CAPZA2: variants seen among roughly 807,000 people sequenced by gnomAD.
CAPZA2 encodes capping actin protein of muscle Z-line subunit alpha 2.
A neutral mutation model predicts 44.0 loss-of-function variants in CAPZA2; 13 were observed. The observed-to-expected ratio is 0.30, with a 90% CI of 0.19 to 0.47. CAPZA2 has a LOEUF of 0.47. Among genes scored for constraint, CAPZA2 ranks in the 20% least tolerant of loss-of-function variants. The pLI, the probability that CAPZA2 is intolerant of heterozygous loss-of-function variation, is 1.00. For synonymous variants in CAPZA2, 94 were observed against 108.2 expected (o/e 0.87, Z 0.81); for missense variants, 244 against 338.6 (o/e 0.72, Z 2.19).
chr7:116,890,598 A>G (rs1448310882), intron 2 of CAPZA2, among the ~76,000 whole-genome samples: 3 of 60,952 alleles, frequency 4.9e-5, no homozygotes, highest in Non-Finnish European at 7.7e-5. Flanking sequence ...ATATATATAT[A>G]CACACACACA....
At chr7:116,909,674 C>A (rs1381633971) in intron 6 of CAPZA2, 3 of 152,948 alleles carry the variant, frequency 2.0e-5, no homozygotes, top group African/African-American at 7.3e-5. Flanking sequence ...ACTAGTCATT[C>A]TTTTTAAATT....
intron 6 of CAPZA2, chr7:116,910,021 TTC>T: frequency 1.9e-6 from 1 of 530,426 alleles, no homozygotes; most frequent in South Asian, 2.1e-5. Context: ...ATTATGTAAG[TTC>T]TTTCTTATCA....
In CAPZA2 at chr7:116,920,773, G is replaced by A. The variant is rs1388222167; in HGVS notation, c.*2906G>A. 6.6e-6 allele frequency: 1 copy of A among 152,382 alleles called. No individual in the cohort carries two copies. The allele number at this position is 152,382 out of a possible 1,614,324, so 9.4% of individuals were successfully genotyped here. A position where few individuals can be genotyped will look rare whatever the true frequency, so the allele number is the denominator to read the frequency against. On this transcript the variant is annotated 3_prime_UTR_variant, in exon 10 of 10. Coordinates refer to ENST00000361183, the MANE Select transcript of CAPZA2 (RefSeq NM_006136.3). ...TGGAAACAATTTTATAGGCAGACAG[G>A]ATGAAGGACCTCAAGGTTAGTGATA... is the stretch of plus-strand genomic sequence containing the variant.
At chr7:116,870,164 C>T (rs1172270421) in intron 1 of CAPZA2, among the ~76,000 whole-genome samples, 1 of 152,118 alleles carries the variant, frequency 6.6e-6, no homozygotes, top group Non-Finnish European at 1.5e-5. Context: ...TAAAGTGTAG[C>T]GATCACCTGG....
intron 8 of CAPZA2, among the ~76,000 whole-genome samples, chr7:116,914,928 T>C (rs1791659396): frequency 6.6e-6 from 1 of 152,202 alleles, no homozygotes; most frequent in Non-Finnish European, 1.5e-5. Flanking sequence ...ACATTCAATA[T>C]TATTGACATA....
intron 4 of CAPZA2, among the ~76,000 whole-genome samples, chr7:116,899,038 A>G (rs1318670535): frequency 6.6e-6 from 1 of 152,046 alleles, no homozygotes; most frequent in Non-Finnish European, 1.5e-5. Flanking sequence ...AAATACTCAG[A>G]TGTAGTTCAT....
rs1203111153 is a variant in CAPZA2 at position 116,883,159 on chromosome 7, C to G, written c.40-4968C>G. ...GATTCTTTTTAAAAAGCTATAATTC[C>G]CAACGGTAAATAGAATGTATTCACT... On this transcript the variant is annotated intron_variant, in intron 1 of 9. Coordinates refer to ENST00000361183, the MANE Select transcript of CAPZA2 (RefSeq NM_006136.3). Among the ~76,000 whole-genome samples, 4 of 152,136 alleles carry G rather than the reference C, an allele frequency of 2.6e-5. No homozygotes were observed. The South Asian group carries it at 8.3e-4, about 32-fold the overall frequency.
At chr7:116,866,276 A>G (rs1386346889) in intron 1 of CAPZA2, among the ~76,000 whole-genome samples, 1 of 148,236 alleles carries the variant, frequency 6.7e-6, no homozygotes, top group Non-Finnish European at 1.5e-5. Flanking sequence ...GGTTCACGCC[A>G]TTCTCCTGCC....
intron 1 of CAPZA2, among the ~76,000 whole-genome samples, chr7:116,866,068 A>G (rs1796478362): frequency 6.6e-6 from 1 of 152,216 alleles, no homozygotes. Flanking sequence ...TGAGGATACT[A>G]CTATGAAGTT....
chr7:116,903,350 G>A (rs1035473959), intron 4 of CAPZA2, among the ~76,000 whole-genome samples: 1 of 151,590 alleles, frequency 6.6e-6, no homozygotes, highest in Non-Finnish European at 1.5e-5. Flanking sequence ...AAGATCAAGT[G>A]TAGTAAAATA....
chr7:116,867,847 G>A (rs533991537), intron 1 of CAPZA2, among the ~76,000 whole-genome samples: 15 of 152,278 alleles, frequency 9.9e-5, no homozygotes, highest in Admixed American at 5.9e-4. Context: ...GCCTCCTAAA[G>A]TGCTGGGATT....
chr7:116,888,108 A>C lies in CAPZA2; in HGVS notation c.40-19A>C, dbSNP rs377688521. The stretch of plus-strand genomic sequence containing the variant: ...GAAGCCTGTGATATGGAACATTTAT[A>C]TCTTTCTTTCTGTTTCAGGTGCGTA... On this transcript the variant is annotated intron_variant, in intron 1 of 9. Coordinates refer to ENST00000361183, the MANE Select transcript of CAPZA2 (RefSeq NM_006136.3). 35 of 1,580,306 alleles carry C rather than the reference A, an allele frequency of 2.2e-5. No homozygotes were observed. Among genetic ancestry groups the C allele is most frequent in the East Asian group, 9.0e-5 (4 of 44,604 alleles).
At chr7:116,912,256 A>G in intron 8 of CAPZA2, 116 bp downstream of exon 8, 1 of 1,463,902 alleles carries the variant, frequency 6.8e-7, no homozygotes, top group Non-Finnish European at 9.1e-7. Flanking sequence ...TTTCTGATAG[A>G]TTAAAGATAA....
chr7:116,913,031 A>G (rs1165830102), intron 8 of CAPZA2, among the ~76,000 whole-genome samples: 1 of 152,150 alleles, frequency 6.6e-6, no homozygotes, highest in East Asian at 1.9e-4. Context: ...CTTGATGCTA[A>G]TGATTTTGAG....
chr7:116,873,030 G>A (rs1044316557), intron 1 of CAPZA2, among the ~76,000 whole-genome samples: 5 of 152,148 alleles, frequency 3.3e-5, no homozygotes, highest in Admixed American at 6.5e-5. Flanking sequence ...CTTTCCAGGT[G>A]AGTCTGACTG....
chr7:116,869,879 TG>T (rs920986637), intron 1 of CAPZA2, among the ~76,000 whole-genome samples: 2 of 149,848 alleles, frequency 1.3e-5, no homozygotes, highest in Admixed American at 6.6e-5. Context: ...TGTTTTGTTT[TG>T]TTTTTTTGAG....
intron 8 of CAPZA2, among the ~76,000 whole-genome samples, chr7:116,915,087 G>A (rs765915797): frequency 3.3e-5 from 5 of 152,018 alleles, no homozygotes; most frequent in African/African-American, 7.3e-5. Flanking sequence ...AGACCAGCCT[G>A]GCCAATATGA....
chr7:116,907,487 A>G (rs1054835535), intron 6 of CAPZA2, among the ~76,000 whole-genome samples: 1 of 152,156 alleles, frequency 6.6e-6, no homozygotes, highest in Non-Finnish European at 1.5e-5. Flanking sequence ...AATAAAATCA[A>G]TCTTGTTGAG....
At chr7:116,878,614 C>G (rs1441158712) in intron 1 of CAPZA2, among the ~76,000 whole-genome samples, 3 of 152,202 alleles carry the variant, frequency 2.0e-5, no homozygotes, top group South Asian at 2.1e-4. Flanking sequence ...TTGCCACCAT[C>G]TTTCTCTCCT....
Sources: allele counts gnomAD v4.1 joint callset (sites outside exome capture counted in the v4.1 genomes callset), GRCh38; gene constraint gnomAD v4.1.1; transcripts MANE v1.5; gene names NCBI Gene and HGNC (gene_info 2026-07-23, HGNC 2026-07-21).